Variants in PLCB4 observed in about 807,000 individuals in gnomAD.
The protein encoded by PLCB4 is 1-phosphatidylinositol 4,5-bisphosphate phosphodiesterase beta-4.
A neutral mutation model predicts 178.8 loss-of-function variants in PLCB4; 77 were observed. The observed-to-expected ratio is 0.43, with a 90% CI of 0.36 to 0.52. The LOEUF (loss-of-function observed/expected upper bound fraction) is 0.52, where lower values mean the gene tolerates loss of function less well. Ranked by LOEUF, PLCB4 falls within the 20% of genes least tolerant of loss-of-function variation. PLCB4 has a pLI of 0.00. For synonymous variants in PLCB4, 496 were observed against 490.8 expected (o/e 1.01, Z -0.14); for missense variants, 1,024 against 1,453.4 (o/e 0.70, Z 4.80).
At chr20:9,430,313 T>C (rs1265317384) in intron 28 of PLCB4, among the ~76,000 whole-genome samples, 1 of 152,258 alleles carries the variant, frequency 6.6e-6, no homozygotes, top group Non-Finnish European at 1.5e-5. Context: ...AGGCATTTAG[T>C]CCTTTTGTAA....
At chr20:9,254,472 A>G (rs1480033832) in intron 3 of PLCB4, among the ~76,000 whole-genome samples, 2 of 152,148 alleles carry the variant, frequency 1.3e-5, no homozygotes, top group African/African-American at 2.4e-5. Flanking sequence ...AGGCAGGTGG[A>G]CCACTTGAGG....
intron 3 of PLCB4, among the ~76,000 whole-genome samples, chr20:9,278,687 CT>C (rs954773542): frequency 2.2e-4 from 33 of 151,916 alleles, no homozygotes; most frequent in African/African-American, 8.0e-4. Flanking sequence ...TTTGAGGGAG[CT>C]GCATTGGATC....
intron 1 of PLCB4, among the ~76,000 whole-genome samples, chr20:9,083,748 G>C (rs1024007987): frequency 1.6e-4 from 24 of 152,182 alleles, no homozygotes; most frequent in African/African-American, 4.8e-4. Flanking sequence ...CTGAATGGCT[G>C]CATCTGTGAC....
chr20:9,284,339 T>C (rs1186254995), intron 3 of PLCB4, among the ~76,000 whole-genome samples: 4 of 151,986 alleles, frequency 2.6e-5, no homozygotes, highest in Non-Finnish European at 5.9e-5. Context: ...GAATTGCAAG[T>C]GGCCTCTATG....
chr20:9,115,528 T>C lies in PLCB4; in HGVS notation c.-79+19186T>C, dbSNP rs549568022. 7.3e-5 allele frequency among the ~76,000 whole-genome samples: 11 copies of C among 150,786 alleles called. No individual in the cohort carries two copies. In the South Asian group the frequency reaches 2.3e-3, roughly 32 times the overall value. On this transcript the variant is annotated intron_variant, in intron 2 of 39. Transcript: ENST00000378473. Reference sequence around the variant, plus strand: ...GTGCCATGTTGTTGTGCTGCACCCATTAACTCGTCATTTAACATTAGGTAT... The same window carrying C: ...GTGCCATGTTGTTGTGCTGCACCCACTAACTCGTCATTTAACATTAGGTAT...
intron 7 of PLCB4, among the ~76,000 whole-genome samples, chr20:9,343,304 A>G (rs2046300011): frequency 6.6e-6 from 1 of 152,086 alleles, no homozygotes; most frequent in African/African-American, 2.4e-5. Context: ...CTTTGAACTT[A>G]GTGTCTTTTA....
intron 25 of PLCB4, among the ~76,000 whole-genome samples, chr20:9,419,430 A>G (rs1371836565): frequency 6.6e-6 from 1 of 152,234 alleles, no homozygotes; most frequent in Admixed American, 6.5e-5. Flanking sequence ...ATGCATTATT[A>G]CAAGTACAAT....
At chr20:9,149,767 AAT>A (rs1358417130) in intron 2 of PLCB4, among the ~76,000 whole-genome samples, 3 of 152,204 alleles carry the variant, frequency 2.0e-5, no homozygotes, top group African/African-American at 7.2e-5. Flanking sequence ...AAGTTGTCTC[AAT>A]ATGAGTTTCC....
chr20:9,183,115 A>C (rs893717235), intron 2 of PLCB4, among the ~76,000 whole-genome samples: 7 of 152,112 alleles, frequency 4.6e-5, no homozygotes, highest in African/African-American at 1.7e-4. Context: ...GATGTTGTCC[A>C]AACATAAGTG....
chr20:9,322,733 T>C (rs924978892), intron 4 of PLCB4, among the ~76,000 whole-genome samples: 2 of 152,232 alleles, frequency 1.3e-5, no homozygotes, highest in African/African-American at 2.4e-5. Context: ...TGTTTGCAAA[T>C]ACAGAAAGGG....
chr20:9,458,511 T>C (rs1413980213), intron 34 of PLCB4, among the ~76,000 whole-genome samples: 1 of 152,138 alleles, frequency 6.6e-6, no homozygotes, highest in African/African-American at 2.4e-5. Flanking sequence ...CACAATTCAG[T>C]GGGTCAGAAA....
Position 9,250,819 on chromosome 20 carries a change from G to C in PLCB4, c.-16+33367G>C, listed in dbSNP as rs148787753. Among the ~76,000 whole-genome samples the C allele has an allele frequency of 2.4e-3, 362 of 152,246 alleles. 3 individuals carry two copies. Among genetic ancestry groups the C allele is most frequent in the African/African-American group, 8.2e-3 (340 of 41,538 alleles). ...TGGCATCATGATTTGTAGGCCATCA[G>C]GTGTTCTGTTAACTTATGAACTGAA... is the stretch of plus-strand genomic sequence containing the variant. On this transcript the variant is annotated intron_variant, in intron 3 of 39. Coordinates refer to ENST00000378473, the MANE Select transcript of PLCB4 (RefSeq NM_001377142.1).
chr20:9,321,669 G>C (rs546827728), intron 4 of PLCB4, among the ~76,000 whole-genome samples: 2 of 152,042 alleles, frequency 1.3e-5, no homozygotes, highest in African/African-American at 4.8e-5. Context: ...GAGTCTCACT[G>C]TGTTACCAGG....
At chr20:9,074,537 A>G (rs1600224277) in intron 1 of PLCB4, among the ~76,000 whole-genome samples, 1 of 152,176 alleles carries the variant, frequency 6.6e-6, no homozygotes, top group Non-Finnish European at 1.5e-5. Context: ...AAGCAGCCTG[A>G]GAAAATTCCT....
At chr20:9,423,057 A>C (rs958438165) in intron 27 of PLCB4, among the ~76,000 whole-genome samples, 1 of 152,236 alleles carries the variant, frequency 6.6e-6, no homozygotes, top group Non-Finnish European at 1.5e-5. Flanking sequence ...GGTTTCTGCT[A>C]TCTGAACTCA....
At chr20:9,130,346 C>T (rs2092241043) in intron 2 of PLCB4, among the ~76,000 whole-genome samples, 1 of 152,168 alleles carries the variant, frequency 6.6e-6, no homozygotes, top group South Asian at 2.1e-4. Context: ...ACTCCCCACA[C>T]CAAAAATAAA....
intron 9 of PLCB4, among the ~76,000 whole-genome samples, chr20:9,365,822 C>T (rs1176894666): frequency 2.6e-5 from 4 of 152,076 alleles, no homozygotes; most frequent in Admixed American, 6.5e-5. Context: ...GTTTCTTTTG[C>T]TTATTTGCCA....
chr20:9,442,135 C>G (rs1428708754), intron 30 of PLCB4, among the ~76,000 whole-genome samples: 5 of 152,206 alleles, frequency 3.3e-5, no homozygotes, highest in African/African-American at 1.2e-4. Flanking sequence ...ATAGTAGCCA[C>G]TAACCACATG....
chr20:9,172,182 T>C (rs1025737751), intron 2 of PLCB4, among the ~76,000 whole-genome samples: 8 of 152,186 alleles, frequency 5.3e-5, no homozygotes, highest in African/African-American at 1.9e-4. Context: ...ATAGAGCAGG[T>C]TGACCCCATC....
Sources: allele counts gnomAD v4.1 joint callset (sites outside exome capture counted in the v4.1 genomes callset), GRCh38; gene constraint gnomAD v4.1.1; transcripts MANE v1.5; gene names NCBI Gene and HGNC (gene_info 2026-07-23, HGNC 2026-07-21).